SLC51A: variants seen among roughly 807,000 people sequenced by gnomAD.
The protein encoded by SLC51A is solute carrier family 51 member A.
SLC51A carries 22 observed loss-of-function variants against 34.8 expected under a neutral mutation model. That is an observed-to-expected ratio of 0.63 (90% CI 0.45 to 0.90). The LOEUF (loss-of-function observed/expected upper bound fraction) is 0.90, where lower values mean the gene tolerates loss of function less well. Among genes scored for constraint, SLC51A ranks in the 40% least tolerant of loss-of-function variants. SLC51A has a pLI of 0.00. For missense variants in SLC51A, 371 were observed against 414.8 expected (o/e 0.89, Z 0.92); for synonymous variants, 181 against 176.3 (o/e 1.03, Z -0.21).
intron 2 of SLC51A, among the ~76,000 whole-genome samples, chr3:196,223,188 G>A (rs1421756887): frequency 2.6e-5 from 4 of 151,830 alleles, no homozygotes; most frequent in African/African-American, 9.7e-5. Context: ...CCTGGGAGAT[G>A]TGCTTCCTTC....
chr3:196,230,896 C>T (rs537403369), intron 7 of SLC51A, among the ~76,000 whole-genome samples: 1 of 152,298 alleles, frequency 6.6e-6, no homozygotes, highest in East Asian at 1.9e-4. Flanking sequence ...AATAAGGTCA[C>T]GAGTACCGGG....
In SLC51A at chr3:196,233,360, A is replaced by G. The variant is rs1724073031; in HGVS notation, c.*161A>G. 1 of 790,260 alleles carries G rather than the reference A, an allele frequency of 1.3e-6. No individual in the cohort carries two copies. The highest frequency in any genetic ancestry group is 2.0e-6 in the Non-Finnish European group (1 of 505,768). 49.0% of individuals were successfully genotyped at this position (790,260 alleles called of 1,614,324 possible). ...TGAAGGTGAACAATGTTAGAATAAA[A>G]TTGCTTTGGATCTTGCCTGGAAGGT... On this transcript the variant is annotated 3_prime_UTR_variant, in exon 9 of 9. Coordinates refer to ENST00000296327, the MANE Select transcript of SLC51A (RefSeq NM_152672.6).
chr3:196,225,363 A>T (rs551139198), intron 2 of SLC51A, among the ~76,000 whole-genome samples: 4 of 152,030 alleles, frequency 2.6e-5, no homozygotes, highest in Non-Finnish European at 5.9e-5. Flanking sequence ...CAAGAGCTCC[A>T]GCTCAAGTCT....
rs115944258 is a variant in SLC51A, at chr3:196,228,414, G to A, written c.521+141G>A. ...TGGGCATCCCACGGCCAGGACCCAC[G>A]GGCGCCACCCTCAGGGGACAGGGGA... On this transcript the variant is annotated intron_variant, in intron 5 of 8. Coordinates refer to ENST00000296327, the MANE Select transcript of SLC51A (RefSeq NM_152672.6). This position sits in a 1 kb window ranked among gnomAD's most constrained non-coding sequence, Gnocchi z 4.9. 2.0e-3 allele frequency: 2,237 copies of A among 1,105,442 alleles called. 30 individuals carry two copies. The African/African-American group carries it at 0.029, about 15-fold the overall frequency. 68.5% of individuals were successfully genotyped at this position (1,105,442 alleles called of 1,614,324 possible). A position where few individuals can be genotyped will look rare whatever the true frequency, so the allele number is the denominator to read the frequency against.
intron 2 of SLC51A, among the ~76,000 whole-genome samples, chr3:196,220,064 G>A (rs1723706004): frequency 1.3e-5 from 2 of 152,364 alleles, no homozygotes; most frequent in South Asian, 4.1e-4. Flanking sequence ...GACGCCCCAG[G>A]CCCAGGGGAG....
chr3:196,217,022 C>T (rs532870111), intron 1 of SLC51A, among the ~76,000 whole-genome samples: 1 of 152,360 alleles, frequency 6.6e-6, no homozygotes, highest in African/African-American at 2.4e-5. Flanking sequence ...ATGGCAGCAT[C>T]CCTCAGCAGC....
intron 2 of SLC51A, among the ~76,000 whole-genome samples, chr3:196,218,941 A>G (rs748448333): frequency 3.3e-5 from 5 of 151,952 alleles, no homozygotes; most frequent in Non-Finnish European, 7.4e-5. Context: ...AGTGAAAGGC[A>G]TTGGCTGGGA....
rs941791426 is a variant in SLC51A at position 196,216,552 on chromosome 3, G to A, written c.-161G>A. The A allele has an allele frequency of 6.4e-5, 49 of 764,570 alleles. No homozygotes were observed. Among genetic ancestry groups the A allele is most frequent in the Middle Eastern group, 2.3e-4 (1 of 4,420 alleles). 47.4% of individuals were successfully genotyped at this position (764,570 alleles called of 1,614,324 possible). A position where few individuals can be genotyped will look rare whatever the true frequency, so the allele number is the denominator to read the frequency against. ...GAACTCTGAGATAGAAAGTTGGCCC[G>A]GGAAGCTCAAGGAGGGAGAGCGGCA... is the stretch of plus-strand genomic sequence containing the variant. On this transcript the variant is annotated 5_prime_UTR_variant, in exon 1 of 9. Coordinates refer to ENST00000296327, the MANE Select transcript of SLC51A (RefSeq NM_152672.6). The surrounding 1 kb of genome is among the most constrained non-coding windows in gnomAD (Gnocchi z 4.5).
intron 7 of SLC51A, 79 bp from the exon 8 acceptor site, chr3:196,232,340 G>C: frequency 8.9e-7 from 1 of 1,121,156 alleles, no homozygotes; most frequent in South Asian, 1.3e-5. Context: ...GGAAGGGCAA[G>C]GCCCGGCAGT....
Position 196,232,494 on chromosome 3 carries a change from C to T in SLC51A, c.856C>T (p.Pro286Ser), listed in dbSNP as rs1309381681. Reference protein sequence around the residue: ...LANGGQIACSPPYSSKTRSQV... With the variant: ...LANGGQIACSSPYSSKTRSQV... ...CAACGGTGGGCAGATTGCTTGTTCG[C>T]CTCCCTATTCCTCTAAAACCAGGTC... The change falls in exon 8 of 9, where the codon CCT becomes TCT. Residue 286 changes from proline (P) to serine (S), a missense_variant. Transcript: ENST00000296327. 1 of 1,614,124 alleles carries T rather than the reference C, an allele frequency of 6.2e-7. No individual in the cohort carries two copies.
chr3:196,229,868 A>G, intron 6 of SLC51A, 47 bp from the exon 7 acceptor site: 3 of 1,556,072 alleles, frequency 1.9e-6, no homozygotes, highest in Non-Finnish European at 2.6e-6. Context: ...AGAGAGAGAG[A>G]GAGAGAGAGC....
rs547740854 is a variant in SLC51A, at chr3:196,227,740, G to A, written c.362+3G>A. On this transcript the variant is annotated splice_donor_region_variant and intron_variant, in intron 4 of 8. Transcript: ENST00000296327. ...CTGGTGGAAATGACCATCACCTCGT[G>A]AGTGCCCTGCCTCGCCCCACCTCCA... The A allele has an allele frequency of 4.3e-6, 7 of 1,611,568 alleles. No homozygotes were observed. Among genetic ancestry groups the A allele is most frequent in the Non-Finnish European group, 5.9e-6 (7 of 1,179,082 alleles).
chr3:196,231,720 C>T (rs12638322), intron 7 of SLC51A, among the ~76,000 whole-genome samples: 17,603 of 152,142 alleles, frequency 0.12, 1,113 homozygotes, highest in Middle Eastern at 0.16. Context: ...GGGTGAGCCA[C>T]GCCAGCCTTG....
chr3:196,224,697 CGG>C (rs372712523), intron 2 of SLC51A, among the ~76,000 whole-genome samples: 74 of 41,194 alleles, frequency 1.8e-3, no homozygotes, highest in African/African-American at 6.0e-3. Flanking sequence ...GGGGGCGGGG[CGG>C]GGGGGGGAGG....
At chr3:196,229,869 G>GAGAGAGAC (rs1723990740) in intron 6 of SLC51A, 46 bp from the exon 7 acceptor site, 1 of 1,557,948 alleles carries the variant, frequency 6.4e-7, no homozygotes, top group Admixed American at 1.9e-5. Context: ...GAGAGAGAGA[G>GAGAGAGAC]AGAGAGAGCT....
chr3:196,226,038 C>A (rs1012714677), intron 2 of SLC51A, among the ~76,000 whole-genome samples: 1 of 152,146 alleles, frequency 6.6e-6, no homozygotes, highest in Non-Finnish European at 1.5e-5. Context: ...CTCCCCTGGC[C>A]GAGTGTGGTG....
intron 2 of SLC51A, among the ~76,000 whole-genome samples, chr3:196,221,311 ATT>A (rs79735063): frequency 1.4e-5 from 2 of 146,748 alleles, no homozygotes; most frequent in African/African-American, 5.0e-5. Context: ...GATTGAATCA[ATT>A]TTTTTTTTTT....
chr3:196,216,829 C>A lies in SLC51A; in HGVS notation c.38+79C>A. The A allele has an allele frequency of 7.1e-7, 1 of 1,417,152 alleles. No individual in the cohort carries two copies. The highest frequency in any genetic ancestry group is 9.6e-7 in the Non-Finnish European group (1 of 1,042,540). The allele number at this position is 1,417,152 out of a possible 1,614,324, so 87.8% of individuals were successfully genotyped here. A position where few individuals can be genotyped will look rare whatever the true frequency, so the allele number is the denominator to read the frequency against. On this transcript the variant is annotated intron_variant, in intron 1 of 8. Transcript: ENST00000296327. The surrounding 1 kb of genome is among the most constrained non-coding windows in gnomAD (Gnocchi z 4.5). ...CCCGCGGCCTGTCCTCTCTCCCTCC[C>A]AGAGCCCTTTGGCGGCCGCACTCAG...
chr3:196,232,553 G>A (rs769695858), intron 8 of SLC51A, 29 bp downstream of exon 8: 8 of 1,556,852 alleles, frequency 5.1e-6, no homozygotes, highest in East Asian at 2.2e-5. Context: ...CTGTCCCATC[G>A]TGGGATGGAT....
Sources: allele counts gnomAD v4.1 joint callset (sites outside exome capture counted in the v4.1 genomes callset), GRCh38; gene constraint gnomAD v4.1.1; non-coding constraint Gnocchi (gnomAD v3.1); transcripts MANE v1.5; gene names NCBI Gene and HGNC (gene_info 2026-07-23, HGNC 2026-07-21).